The following UACA variants were observed in gnomAD, a reference collection of about 807,000 sequenced individuals.
The protein encoded by UACA is nuclear membrane binding protein.
A neutral mutation model predicts 160.5 loss-of-function variants in UACA; 112 were observed. That is an observed-to-expected ratio of 0.70 (90% CI 0.60 to 0.82). UACA has a LOEUF of 0.82. Ranked by LOEUF, UACA falls within the 40% of genes least tolerant of loss-of-function variation. The pLI is 0.00. For missense variants in UACA, 1,574 were observed against 1,614.6 expected, an observed-to-expected ratio of 0.97 and a Z score of 0.43; for synonymous variants, 557 against 568.4, an observed-to-expected ratio of 0.98 and a Z score of 0.29.
At chr15:70,706,941 T>A (rs1898539190) in intron 1 of UACA, among the ~76,000 whole-genome samples, 1 of 152,016 alleles carries the variant, frequency 6.6e-6, no homozygotes, top group South Asian at 2.1e-4. Context: ...GAAAAGTAAA[T>A]CCTAACATTC....
chr15:70,671,275 A>C (rs1427053454), intron 14 of UACA, 184 bp from the exon 15 acceptor site: 2 of 446,986 alleles, frequency 4.5e-6, no homozygotes, highest in Non-Finnish European at 8.1e-6. Flanking sequence ...AAGTACCTAC[A>C]ATCTACTGAA....
At chr15:70,675,516 A>G (rs935453193) in intron 13 of UACA, among the ~76,000 whole-genome samples, 1 of 152,172 alleles carries the variant, frequency 6.6e-6, no homozygotes, top group African/African-American at 2.4e-5. Flanking sequence ...TTCTTCACAC[A>G]CCTTACTCAG....
intron 1 of UACA, among the ~76,000 whole-genome samples, chr15:70,743,276 G>A (rs548363354): frequency 3.5e-4 from 54 of 152,232 alleles, no homozygotes; most frequent in Non-Finnish European, 6.5e-4. Context: ...ATTAGAATAG[G>A]CACACCTAGG....
At position 70,691,335 on chromosome 15, in the gene UACA, C is replaced by T. The variant is rs762994459; in HGVS notation, c.330G>A (p.Lys110=). ...AGRNALHLAA[K]YGHALCLQKL... The stretch of plus-strand genomic sequence containing the variant: ...TTTGTAGGCACAATGCATGTCCATA[C>T]TTAGCAGCCAGGTGAAGAGCATTTC... Residue 110 remains lysine (K), a synonymous_variant, in exon 4 of 19, where the codon AAG becomes AAA. Coordinates refer to ENST00000322954, the MANE Select transcript of UACA (RefSeq NM_018003.4). 6.2e-7 allele frequency: 1 copy of T among 1,609,544 alleles called. No homozygotes were observed. Among genetic ancestry groups the T allele is most frequent in the Non-Finnish European group, 8.5e-7 (1 of 1,177,670 alleles).
At chr15:70,737,527 T>C (rs1899406508) in intron 1 of UACA, among the ~76,000 whole-genome samples, 1 of 151,954 alleles carries the variant, frequency 6.6e-6, no homozygotes, top group Admixed American at 6.6e-5. Flanking sequence ...GTCAACACGG[T>C]GAAACCCCAT....
chr15:70,676,363 T>A (rs1050080174), intron 13 of UACA, 130 bp downstream of exon 13: 6 of 660,838 alleles, frequency 9.1e-6, no homozygotes, highest in African/African-American at 5.5e-5. Context: ...GCAACAAGTT[T>A]GAAGACTTTA....
At chr15:70,685,684 A>C (rs1005743744) in intron 7 of UACA, among the ~76,000 whole-genome samples, 5 of 152,200 alleles carry the variant, frequency 3.3e-5, no homozygotes, top group African/African-American at 9.6e-5. Context: ...CAATGAAAAA[A>C]CATAGATAAA....
intron 17 of UACA, among the ~76,000 whole-genome samples, 156 bp downstream of exon 17, chr15:70,664,506 C>T (rs960326568): frequency 2.0e-5 from 3 of 152,206 alleles, no homozygotes; most frequent in African/African-American, 7.2e-5. Context: ...AGTATTATTA[C>T]ACCACCAGTA....
In UACA at chr15:70,703,165, G is replaced by T. The variant is rs796823776; in HGVS notation, c.79-3505C>A. The T allele has an allele frequency of 1.0e-5, 13 of 1,289,012 alleles. No homozygotes were observed. The African/African-American group carries it at 1.2e-4, about 12-fold the overall frequency. 79.8% of individuals were successfully genotyped at this position (1,289,012 alleles called of 1,614,324 possible). A position where few individuals can be genotyped will look rare whatever the true frequency, so the allele number is the denominator to read the frequency against. On this transcript the variant is annotated intron_variant, in intron 1 of 18. Coordinates refer to ENST00000322954, the MANE Select transcript of UACA (RefSeq NM_018003.4). ...CCAAGGCCGGTGCAAATTCAGGGTG[G>T]TTTTTTTGTGGTGGCTGTTGTTGTT...
chr15:70,747,666 A>G (rs1899752782), intron 1 of UACA, among the ~76,000 whole-genome samples: 1 of 152,138 alleles, frequency 6.6e-6, no homozygotes, highest in African/African-American at 2.4e-5. Context: ...AATAATTGAA[A>G]CTTATTGAGA....
chr15:70,759,299 A>T (rs1428070813), intron 1 of UACA, among the ~76,000 whole-genome samples: 1 of 152,230 alleles, frequency 6.6e-6, no homozygotes, highest in Non-Finnish European at 1.5e-5. Context: ...CTGGTACAGT[A>T]TTTATAGTCA....
intron 13 of UACA, among the ~76,000 whole-genome samples, chr15:70,675,619 A>AGT (rs2140919353): frequency 1.3e-5 from 2 of 152,328 alleles, no homozygotes; most frequent in South Asian, 4.1e-4. Flanking sequence ...AGAATCGTGC[A>AGT]GTATGTACTC....
intron 7 of UACA, among the ~76,000 whole-genome samples, chr15:70,686,197 T>G (rs1319703872): frequency 6.6e-6 from 1 of 151,674 alleles, no homozygotes; most frequent in Non-Finnish European, 1.5e-5. Context: ...CCATGGCCCA[T>G]GACACAGCCT....
intron 1 of UACA, among the ~76,000 whole-genome samples, chr15:70,713,607 G>A (rs542662416): frequency 1.3e-5 from 2 of 152,174 alleles, no homozygotes; most frequent in African/African-American, 4.8e-5. Flanking sequence ...CAGTTTTATC[G>A]TAAACATTTT....
At chr15:70,702,083 C>A in intron 1 of UACA, 1 of 1,366,096 alleles carries the variant, frequency 7.3e-7, no homozygotes, top group East Asian at 2.8e-5. Context: ...TCTTCGTCTT[C>A]AGGATCCTTC....
intron 1 of UACA, among the ~76,000 whole-genome samples, chr15:70,749,934 C>T (rs2029937524): frequency 6.6e-6 from 1 of 152,192 alleles, no homozygotes; most frequent in South Asian, 2.1e-4. Flanking sequence ...TGCTCTCTCT[C>T]TCCCTCTTAC....
chr15:70,668,228 T>C lies in UACA; in HGVS notation c.2456A>G (p.Asn819Ser), dbSNP rs1897003032. Residue 819 changes from asparagine (N) to serine (S), a missense_variant, in exon 16 of 19, where the codon AAT (asparagine) becomes AGT (serine). Physicochemically the swap from Asn to Ser is conservative, Grantham distance 46 (BLOSUM62 1). Coordinates refer to ENST00000322954, the MANE Select transcript of UACA (RefSeq NM_018003.4). ...CAGCTGTTTCTTAAGTTCAACAATATTGGATTTCAGAGCTATTATCTCTTT... is the reference window on the plus strand; with the variant it reads ...CAGCTGTTTCTTAAGTTCAACAATACTGGATTTCAGAGCTATTATCTCTTT... ...HEKEIIALKS[N>S]IVELKKQLSE... The C allele has an allele frequency of 5.6e-6, 9 of 1,613,256 alleles. No homozygotes were observed. Among genetic ancestry groups the C allele is most frequent in the African/African-American group, 2.7e-5 (2 of 74,976 alleles).
chr15:70,772,101 G>A, the UACA span, among the ~76,000 whole-genome samples: 5 of 152,330 alleles, frequency 3.3e-5, 1 homozygote, highest in South Asian at 1.0e-3. Flanking sequence ...AAAGGGGAAA[G>A]CAGGAAGCCA....
chr15:70,745,437 A>G (rs992997137), intron 1 of UACA, among the ~76,000 whole-genome samples: 14 of 77,474 alleles, frequency 1.8e-4, no homozygotes, highest in African/African-American at 4.4e-4. Flanking sequence ...CTGTCTCAAA[A>G]AAGAAAAAGA....
Sources: gnomAD v4.1 joint callset for allele counts (sites outside exome capture counted in the v4.1 genomes callset) on GRCh38, gnomAD v4.1.1 for gene constraint, MANE v1.5 for transcripts, NCBI Gene and HGNC (gene_info 2026-07-23, HGNC 2026-07-21) for gene names.